The following KIAA1671 variants were observed in gnomAD, a reference collection of about 807,000 sequenced individuals.
KIAA1671 encodes the protein uncharacterized protein KIAA1671.
KIAA1671 carries 52 observed loss-of-function variants against 131.2 expected under a neutral mutation model. The ratio of observed to expected loss-of-function variants is 0.40; its 90% CI spans 0.32 to 0.50. The LOEUF (loss-of-function observed/expected upper bound fraction) is 0.50. KIAA1671 is among the 20% of genes least tolerant of loss of function. The probability of loss-of-function intolerance (pLI) is 0.73; values close to 1 mark genes in which losing one functional copy is unlikely to be tolerated. For synonymous variants in KIAA1671, 1,003 were observed against 961.6 expected (o/e 1.04, Z -0.80); for missense variants, 2,360 against 2,364.2 (o/e 1.00, Z 0.04).
intron 6 of KIAA1671, among the ~76,000 whole-genome samples, chr22:25,151,720 G>T (rs527685324): frequency 2.0e-5 from 3 of 152,202 alleles, no homozygotes; most frequent in African/African-American, 7.2e-5. Flanking sequence ...GATTACAGGT[G>T]TGAGCCACCG....
chr22:25,029,810 C>T lies in KIAA1671; in HGVS notation c.1541+270C>T, dbSNP rs957826324. Among the ~76,000 whole-genome samples, 21 of 152,234 alleles carry T rather than the reference C, an allele frequency of 1.4e-4. No individual in the cohort carries two copies. In the East Asian group the frequency reaches 2.5e-3, roughly 18 times the overall value. On this transcript the variant is annotated intron_variant, in intron 3 of 12. Transcript: ENST00000358431. The stretch of plus-strand genomic sequence containing the variant: ...AGATGTAGTGTGTGAGTGAAGTGGG[C>T]GGTATGTGCCCATTTCATGGAGGCA...
chr22:25,040,755 C>T lies in KIAA1671; in HGVS notation c.3625C>T (p.Gln1209Ter). The change falls in exon 5 of 13, where the codon CAG (glutamine) becomes TAG (stop). Residue 1209 changes from glutamine to a stop codon, truncating the protein, a stop_gained. Transcript: ENST00000358431. LOFTEE classifies it high-confidence loss of function. ...CATTGACGCCCTGATGGCAGAGTAC[C>T]AGGAGCTGTCGCTGAAAGTCCCTGG... ...LDIDALMAEY[Q>*]ELSLKVPGEA... 1 of 1,551,838 alleles carries T rather than the reference C, an allele frequency of 6.4e-7. No individual in the cohort carries two copies. The highest frequency in any genetic ancestry group is 1.2e-5 in the South Asian group (1 of 84,060).
chr22:25,157,227 T>TA (rs550539298), intron 6 of KIAA1671, among the ~76,000 whole-genome samples: 2 of 151,984 alleles, frequency 1.3e-5, no homozygotes, highest in Non-Finnish European at 2.9e-5. Flanking sequence ...AGAGGTAGAA[T>TA]AAAAAAAAGT....
intron 6 of KIAA1671, among the ~76,000 whole-genome samples, chr22:25,107,469 CT>C (rs765558092): frequency 5.8e-5 from 4 of 68,508 alleles, no homozygotes; most frequent in African/African-American, 1.2e-4. Flanking sequence ...ATCCATGGCA[CT>C]TTTTTTTTTT....
In KIAA1671 at chr22:25,049,241, G is replaced by T. The variant is rs1311487120; in HGVS notation, c.4407G>T (p.Arg1469=). The T allele has an allele frequency of 6.4e-7, 1 of 1,551,848 alleles. No individual in the cohort carries two copies. The highest frequency in any genetic ancestry group is 8.7e-7 in the Non-Finnish European group (1 of 1,146,940). The change falls in exon 6 of 13, where the codon CGG becomes CGT. Residue 1469 remains arginine (R), a synonymous_variant. Coordinates refer to ENST00000358431, the MANE Select transcript of KIAA1671 (RefSeq NM_001145206.2). ...GTGDSHKVLP[R]DLEKEDAPQE... ...GCTCTGTGTTTCAGGTGCTGCCACG[G>T]GACCTGGAGAAGGAGGATGCCCCCC...
intron 6 of KIAA1671, among the ~76,000 whole-genome samples, chr22:25,147,775 G>A (rs1049747301): frequency 6.6e-6 from 1 of 152,166 alleles, no homozygotes; most frequent in Non-Finnish European, 1.5e-5. Flanking sequence ...TGTGAAAGAG[G>A]GGAAGAAGAA....
chr22:25,115,320 G>T (rs1931596755), intron 6 of KIAA1671, among the ~76,000 whole-genome samples: 1 of 152,178 alleles, frequency 6.6e-6, no homozygotes, highest in Admixed American at 6.5e-5. Flanking sequence ...AGCGGGAAGT[G>T]GGGGGTCTCT....
intron 2 of KIAA1671, among the ~76,000 whole-genome samples, chr22:25,026,054 A>G (rs982054250): frequency 7.2e-5 from 11 of 152,196 alleles, no homozygotes; most frequent in East Asian, 5.8e-4. Context: ...AAATTCTCCA[A>G]TTCTCAGATT....
intron 6 of KIAA1671, among the ~76,000 whole-genome samples, chr22:25,153,969 C>T (rs1482588933): frequency 6.6e-6 from 1 of 152,232 alleles, no homozygotes; most frequent in Non-Finnish European, 1.5e-5. Flanking sequence ...GACATCCTAG[C>T]ACCTCAGGGC....
chr22:25,029,572 G>A (rs951346987), intron 3 of KIAA1671, 32 bp downstream of exon 3: 4 of 1,450,024 alleles, frequency 2.8e-6, no homozygotes, highest in African/African-American at 2.8e-5. Flanking sequence ...CCCTCTCTCA[G>A]CCGCCCACCC....
At chr22:25,087,931 A>G (rs1051464284) in intron 6 of KIAA1671, among the ~76,000 whole-genome samples, 3 of 152,196 alleles carry the variant, frequency 2.0e-5, no homozygotes, top group Non-Finnish European at 4.4e-5. Flanking sequence ...AACCAACAGC[A>G]TCTACCACCT....
intron 6 of KIAA1671, among the ~76,000 whole-genome samples, chr22:25,066,171 CAG>C (rs1928468272): frequency 6.6e-6 from 1 of 151,632 alleles, no homozygotes; most frequent in South Asian, 2.1e-4. Context: ...TTTTTAAAGA[CAG>C]GGTCTGGCTC....
chr22:24,960,732 T>C (rs147534985), intron 1 of KIAA1671, among the ~76,000 whole-genome samples: 167 of 147,978 alleles, frequency 1.1e-3, no homozygotes, highest in African/African-American at 4.1e-3. Context: ...GCACATTTGT[T>C]GTAGTAGGCT....
intron 6 of KIAA1671, among the ~76,000 whole-genome samples, chr22:25,074,207 A>AAT (rs1370692424): frequency 9.9e-5 from 15 of 151,350 alleles, no homozygotes; most frequent in African/African-American, 3.6e-4. Flanking sequence ...TATATTATTG[A>AAT]ATATATATAC....
chr22:25,177,417 G>A lies in KIAA1671; in HGVS notation c.4969G>A (p.Ala1657Thr). The change falls in exon 9 of 13, where the codon GCC (alanine) becomes ACC (threonine). Residue 1657 changes from alanine to threonine, a missense_variant. By Grantham distance (58) the Ala-to-Thr change is moderately conservative. Transcript: ENST00000358431. ...VQLSKRSRRR[A>T]PISHSLRRSR... ...GCTCAGCAAGAGAAGCCGCCGCCGG[G>A]CCCCCATCTCCCACTCCCTCCGGCG... 6.4e-7 allele frequency: 1 copy of A among 1,551,726 alleles called. No individual in the cohort carries two copies. The highest frequency in any genetic ancestry group is 1.2e-5 in the South Asian group (1 of 84,052).
At chr22:25,141,705 A>G (rs922625623) in intron 6 of KIAA1671, among the ~76,000 whole-genome samples, 1 of 152,184 alleles carries the variant, frequency 6.6e-6, no homozygotes, top group Non-Finnish European at 1.5e-5. Flanking sequence ...TTCTGGGAAC[A>G]GCCAATCCAG....
chr22:25,093,756 C>CTCTCTCTCTGTCTCTCTCTCTT (rs1930196077), intron 6 of KIAA1671, among the ~76,000 whole-genome samples: 3 of 102,820 alleles, frequency 2.9e-5, no homozygotes, highest in African/African-American at 1.5e-4. Flanking sequence ...CTCTCTCTCT[C>CTCTCTCTCTGTCTCTCTCTCTT]TCTCTCTCTC....
At chr22:25,134,468 TACTGGCATTTTATTTTTTGC>T (rs1166309443) in intron 6 of KIAA1671, among the ~76,000 whole-genome samples, 1 of 152,196 alleles carries the variant, frequency 6.6e-6, no homozygotes, top group Non-Finnish European at 1.5e-5. Flanking sequence ...TTTTTAAAAG[TACTGGCATTTTATTTTTTGC>T]ATTTATCAAT....
At chr22:25,001,925 A>T (rs1924498623) in intron 1 of KIAA1671, among the ~76,000 whole-genome samples, 1 of 151,988 alleles carries the variant, frequency 6.6e-6, no homozygotes, top group Admixed American at 6.6e-5. Context: ...TTATATAAAT[A>T]TATGATATAA....
Sources: gnomAD v4.1 joint callset for allele counts (sites outside exome capture counted in the v4.1 genomes callset) on GRCh38, gnomAD v4.1.1 for gene constraint, MANE v1.5 for transcripts, NCBI Gene and HGNC (gene_info 2026-07-23, HGNC 2026-07-21) for gene names.